The following DOCK3 variants were observed in gnomAD, a reference collection of about 807,000 sequenced individuals.
DOCK3 encodes dedicator of cytokinesis 3.
Under a neutral mutation model 265.6 loss-of-function variants are expected in DOCK3, and 60 were observed. That is an observed-to-expected ratio of 0.23 (90% CI 0.18 to 0.28). The LOEUF (loss-of-function observed/expected upper bound fraction) is 0.28. DOCK3 is among the 10% of genes least tolerant of loss of function. The probability of loss-of-function intolerance (pLI) is 1.00; values close to 1 mark genes in which losing one functional copy is unlikely to be tolerated. For missense variants in DOCK3, 1,981 were observed against 2,594.3 expected (o/e 0.76, Z 5.14); for synonymous variants, 881 against 938.0 (o/e 0.94, Z 1.11).
At chr3:51,110,556 A>T (rs4390967) in intron 9 of DOCK3, among the ~76,000 whole-genome samples, 1 of 152,130 alleles carries the variant, frequency 6.6e-6, no homozygotes, top group Non-Finnish European at 1.5e-5. Flanking sequence ...AAATGTGATT[A>T]AACACATAAA....
intron 3 of DOCK3, among the ~76,000 whole-genome samples, chr3:50,875,644 A>G (rs1233530039): frequency 6.6e-6 from 1 of 152,138 alleles, no homozygotes; most frequent in Non-Finnish European, 1.5e-5. Context: ...ATTCCCTGGG[A>G]TGAATCCCAC....
At chr3:50,812,185 C>G (rs982646024) in intron 2 of DOCK3, among the ~76,000 whole-genome samples, 1 of 152,296 alleles carries the variant, frequency 6.6e-6, no homozygotes, top group African/African-American at 2.4e-5. Flanking sequence ...AGGTGTGGCT[C>G]TCCAGGTGGT....
At chr3:51,038,018 A>G (rs1214565690) in intron 5 of DOCK3, among the ~76,000 whole-genome samples, 2 of 152,194 alleles carry the variant, frequency 1.3e-5, no homozygotes, top group African/African-American at 4.8e-5. Context: ...ATTGTAGGGT[A>G]TGTGCCTATT....
chr3:50,804,011 C>A (rs1266292958), intron 2 of DOCK3, among the ~76,000 whole-genome samples: 28 of 152,012 alleles, frequency 1.8e-4, no homozygotes, highest in African/African-American at 6.5e-4. Flanking sequence ...ACACTCCTCA[C>A]CTCCCAGACG....
chr3:50,822,708 G>A (rs2044516399), intron 2 of DOCK3, among the ~76,000 whole-genome samples: 2 of 152,018 alleles, frequency 1.3e-5, no homozygotes, highest in African/African-American at 4.8e-5. Flanking sequence ...GCCCAGGCTG[G>A]TACCATACTC....
intron 5 of DOCK3, among the ~76,000 whole-genome samples, chr3:51,016,627 A>T (rs1313797078): frequency 5.6e-5 from 2 of 35,452 alleles, no homozygotes; most frequent in Non-Finnish European, 9.4e-5. Flanking sequence ...TTATATATAT[A>T]ATATATATGA....
intron 2 of DOCK3, among the ~76,000 whole-genome samples, chr3:50,789,189 T>C (rs746778273): frequency 6.6e-6 from 1 of 152,190 alleles, no homozygotes; most frequent in Non-Finnish European, 1.5e-5. Context: ...GTGTCACTAT[T>C]ATGCAGTTCA....
chr3:50,901,536 G>T (rs527735061), intron 4 of DOCK3: 32 of 435,738 alleles, frequency 7.3e-5, no homozygotes, highest in Non-Finnish European at 1.0e-4. Context: ...ATATGCTGCA[G>T]TTAGCTCAGT....
At chr3:50,859,564 C>G (rs2046802949) in intron 3 of DOCK3, among the ~76,000 whole-genome samples, 1 of 152,000 alleles carries the variant, frequency 6.6e-6, no homozygotes. Flanking sequence ...AGAGTTCTTA[C>G]ATTGATTTTT....
chr3:51,265,439 C>A (rs1002819430), intron 23 of DOCK3, among the ~76,000 whole-genome samples: 1 of 152,086 alleles, frequency 6.6e-6, no homozygotes, highest in South Asian at 2.1e-4. Flanking sequence ...AACATTGATG[C>A]GAAAATCCTC....
At chr3:50,719,834 A>G (rs2037362047) in intron 1 of DOCK3, 1 of 747,380 alleles carries the variant, frequency 1.3e-6, no homozygotes, top group Non-Finnish European at 2.5e-6. Flanking sequence ...AGGAACACTT[A>G]TAACCAAATG....
At chr3:51,046,948 A>T (rs2080800518) in intron 5 of DOCK3, among the ~76,000 whole-genome samples, 1 of 152,220 alleles carries the variant, frequency 6.6e-6, no homozygotes, top group East Asian at 1.9e-4. Context: ...TTATTAGGTC[A>T]AAGAGCAAAT....
intron 1 of DOCK3, among the ~76,000 whole-genome samples, chr3:50,738,808 A>G (rs946878255): frequency 2.6e-5 from 4 of 152,112 alleles, no homozygotes; most frequent in African/African-American, 7.2e-5. Context: ...CAGTATGTCT[A>G]CTGTACCTAA....
chr3:51,278,941 G>A (rs992521676), intron 26 of DOCK3, among the ~76,000 whole-genome samples: 2 of 151,940 alleles, frequency 1.3e-5, no homozygotes, highest in Non-Finnish European at 2.9e-5. Context: ...TATATATTTT[G>A]CACACATGTA....
At chr3:51,338,509 G>A (rs2085013938) in intron 36 of DOCK3, 90 bp downstream of exon 36, 1 of 1,432,228 alleles carries the variant, frequency 7.0e-7, no homozygotes, top group Non-Finnish European at 9.6e-7. Flanking sequence ...ACAATACATG[G>A]CTGCAGGCCT....
intron 3 of DOCK3, among the ~76,000 whole-genome samples, chr3:50,858,778 A>G (rs1465305438): frequency 6.6e-6 from 1 of 152,154 alleles, no homozygotes; most frequent in Non-Finnish European, 1.5e-5. Flanking sequence ...CCTCCCTTTC[A>G]GGGATGCCAA....
intron 12 of DOCK3, 78 bp from the exon 13 acceptor site, chr3:51,208,696 C>G: frequency 8.5e-7 from 1 of 1,172,154 alleles, no homozygotes; most frequent in East Asian, 2.6e-5. Flanking sequence ...TCCCTTTGAA[C>G]TTAAGTGTTA....
intron 1 of DOCK3, among the ~76,000 whole-genome samples, chr3:50,715,396 C>A (rs1203585643): frequency 6.6e-6 from 1 of 151,666 alleles, no homozygotes; most frequent in Non-Finnish European, 1.5e-5. Flanking sequence ...ACAGAAAATA[C>A]AAAAATTAGC....
At chr3:50,740,150 A>G (rs903876290) in intron 1 of DOCK3, among the ~76,000 whole-genome samples, 3 of 152,058 alleles carry the variant, frequency 2.0e-5, no homozygotes, top group African/African-American at 7.2e-5. Flanking sequence ...CTCATTATTC[A>G]TTTAGTCTCA....
Sources: allele counts gnomAD v4.1 joint callset (sites outside exome capture counted in the v4.1 genomes callset), GRCh38; gene constraint gnomAD v4.1.1; transcripts MANE v1.5; gene names NCBI Gene and HGNC (gene_info 2026-07-23, HGNC 2026-07-21).